Variants in LRRC7 observed in about 807,000 individuals in gnomAD.
LRRC7 encodes leucine rich repeat containing 7.
In LRRC7, 23 loss-of-function variants were observed where a neutral mutation model predicts 175.7. The observed-to-expected ratio is 0.13, with a 90% CI of 0.09 to 0.19. LRRC7 has a LOEUF of 0.19. LRRC7 is among the 10% of genes least tolerant of loss of function. LRRC7 has a pLI of 1.00. For missense variants in LRRC7, 1,354 were observed against 1,904.7 expected (o/e 0.71, Z 5.38); for synonymous variants, 685 against 680.9 (o/e 1.01, Z -0.09).
At chr1:70,118,174 A>C (rs975691238) in intron 26 of LRRC7, among the ~76,000 whole-genome samples, 2 of 152,082 alleles carry the variant, frequency 1.3e-5, no homozygotes, top group Admixed American at 1.3e-4. Flanking sequence ...GAAGCCCTAC[A>C]CGAATATAGT....
At position 69,861,261 on chromosome 1, in the gene LRRC7, A is replaced by T. The variant is rs369100618; in HGVS notation, c.647+22978A>T. 2.4e-4 allele frequency among the ~76,000 whole-genome samples: 36 copies of T among 152,302 alleles called. 1 individual carries two copies. The East Asian group carries it at 3.7e-3, about 16-fold the overall frequency. On this transcript the variant is annotated intron_variant, in intron 7 of 26. Transcript: ENST00000651989. Reference sequence around the variant, plus strand: ...AAATTTTTGCATTCTTATCTGCCACATCATTAATAATGTTCATATTTTTCT... The same window carrying T: ...AAATTTTTGCATTCTTATCTGCCACTTCATTAATAATGTTCATATTTTTCT...
intron 1 of LRRC7, among the ~76,000 whole-genome samples, chr1:69,661,816 AGAAT>A (rs1657515700): frequency 6.6e-6 from 1 of 152,156 alleles, no homozygotes; most frequent in Non-Finnish European, 1.5e-5. Context: ...CATTTTGAAA[AGAAT>A]GACATTTTTT....
At chr1:70,013,204 ATAC>A in intron 13 of LRRC7, 115 bp downstream of exon 13, 1 of 474,632 alleles carries the variant, frequency 2.1e-6, no homozygotes, top group South Asian at 4.5e-5. Flanking sequence ...CGGAATGCAA[ATAC>A]TGATACTTTC....
intron 8 of LRRC7, among the ~76,000 whole-genome samples, chr1:69,965,885 A>G (rs1461498318): frequency 6.6e-6 from 1 of 152,180 alleles, no homozygotes; most frequent in Admixed American, 6.5e-5. Context: ...ACCAAGTACT[A>G]TGAAATTCAT....
Position 70,135,054 on chromosome 1 carries a change from A to G in LRRC7, c.*13167A>G, listed in dbSNP as rs559849672. On this transcript the variant is annotated 3_prime_UTR_variant, in exon 27 of 27. Transcript: ENST00000651989. Reference sequence around the variant, plus strand: ...ATTACATAGAATTTTACTGAAGAGTATAAGAGAAAACGTCTTGAAAGTTTG... The same window carrying G: ...ATTACATAGAATTTTACTGAAGAGTGTAAGAGAAAACGTCTTGAAAGTTTG... Among the ~76,000 whole-genome samples the G allele has an allele frequency of 4.6e-5, 7 of 152,378 alleles. No individual in the cohort carries two copies. The highest frequency in any genetic ancestry group is 4.1e-4 in the South Asian group (2 of 4,828).
chr1:70,053,256 G>A, intron 23 of LRRC7, 111 bp downstream of exon 23: 2 of 1,061,938 alleles, frequency 1.9e-6, no homozygotes, highest in Non-Finnish European at 2.6e-6. Context: ...ATAACTTTAA[G>A]GTAAATATTA....
At chr1:69,751,684 G>A (rs1159716744) in intron 2 of LRRC7, among the ~76,000 whole-genome samples, 1 of 152,070 alleles carries the variant, frequency 6.6e-6, no homozygotes, top group Non-Finnish European at 1.5e-5. Flanking sequence ...AGGGATGATG[G>A]TCTATAGTAA....
In LRRC7 at chr1:70,130,127, G is replaced by T. The variant is rs1010207649; in HGVS notation, c.*8240G>T. The T allele has an allele frequency of 2.0e-5, 3 of 152,040 alleles. No homozygotes were observed. The highest frequency in any genetic ancestry group is 7.2e-5 in the African/African-American group (3 of 41,390). 9.4% of individuals were successfully genotyped at this position (152,040 alleles called of 1,614,324 possible). On this transcript the variant is annotated 3_prime_UTR_variant, in exon 27 of 27. Coordinates refer to ENST00000651989, the MANE Select transcript of LRRC7 (RefSeq NM_001370785.2). ...TATTAATTTTTTCTTATGTTTTTTAGTATCTTTCCCATTCTGCCTGAGATC... is the reference window on the plus strand; with the variant it reads ...TATTAATTTTTTCTTATGTTTTTTATTATCTTTCCCATTCTGCCTGAGATC...
chr1:70,014,847 C>T (rs1413743372), intron 13 of LRRC7, among the ~76,000 whole-genome samples: 1 of 152,006 alleles, frequency 6.6e-6, no homozygotes, highest in Admixed American at 6.6e-5. Flanking sequence ...ATAGAGGTCA[C>T]TGGAAAAGGA....
At chr1:69,915,845 A>T (rs1026434493) in intron 7 of LRRC7, among the ~76,000 whole-genome samples, 3 of 151,016 alleles carry the variant, frequency 2.0e-5, no homozygotes, top group Non-Finnish European at 4.4e-5. Flanking sequence ...ACCTATATTA[A>T]CTATTTTAAT....
chr1:69,840,880 C>T (rs1415626874), intron 7 of LRRC7, among the ~76,000 whole-genome samples: 2 of 152,122 alleles, frequency 1.3e-5, no homozygotes, highest in African/African-American at 4.8e-5. Flanking sequence ...TTTCCTTACA[C>T]AAGAATTATC....
chr1:69,962,236 A>G (rs974459338), intron 8 of LRRC7, among the ~76,000 whole-genome samples: 16 of 152,202 alleles, frequency 1.1e-4, no homozygotes, highest in African/African-American at 3.9e-4. Context: ...AAAAAGCTCA[A>G]CATCACTGAT....
intron 2 of LRRC7, 53 bp downstream of exon 2, chr1:69,678,531 C>A: frequency 2.3e-6 from 3 of 1,283,506 alleles, no homozygotes; most frequent in South Asian, 1.3e-5. Context: ...TGGTGAGTAG[C>A]ATAGTAAAAT....
At chr1:69,633,646 T>C (rs1245043) in intron 1 of LRRC7, among the ~76,000 whole-genome samples, 19,505 of 152,008 alleles carry the variant, frequency 0.13, 1,594 homozygotes, top group South Asian at 0.19. Flanking sequence ...CCAGGCCGAT[T>C]ATGAATTCCT....
At chr1:69,689,407 T>A (rs1337444008) in intron 2 of LRRC7, among the ~76,000 whole-genome samples, 1 of 151,862 alleles carries the variant, frequency 6.6e-6, no homozygotes. Flanking sequence ...TATGTCCTCA[T>A]TTTCCCTCTC....
chr1:70,064,248 T>G (rs996643421), intron 23 of LRRC7, among the ~76,000 whole-genome samples: 1 of 151,960 alleles, frequency 6.6e-6, no homozygotes, highest in Non-Finnish European at 1.5e-5. Flanking sequence ...GATTTTGGCA[T>G]CAAGCTGGCC....
At chr1:69,828,993 A>G (rs961047954) in intron 5 of LRRC7, among the ~76,000 whole-genome samples, 3 of 151,998 alleles carry the variant, frequency 2.0e-5, no homozygotes, top group Non-Finnish European at 4.4e-5. Context: ...AATAGTAAAA[A>G]TTAGCAATTA....
chr1:69,934,073 C>A (rs1166162982), intron 8 of LRRC7, among the ~76,000 whole-genome samples: 1 of 152,126 alleles, frequency 6.6e-6, no homozygotes, highest in Admixed American at 6.5e-5. Context: ...ATGGAACTGG[C>A]TGTTGTTGTA....
At chr1:69,681,498 G>C (rs921047718) in intron 2 of LRRC7, among the ~76,000 whole-genome samples, 1 of 152,066 alleles carries the variant, frequency 6.6e-6, no homozygotes, top group African/African-American at 2.4e-5. Flanking sequence ...AATCAACATA[G>C]ACGTAGATCT....
Sources: gnomAD v4.1 joint callset for allele counts (sites outside exome capture counted in the v4.1 genomes callset) on GRCh38, gnomAD v4.1.1 for gene constraint, MANE v1.5 for transcripts, NCBI Gene and HGNC (gene_info 2026-07-23, HGNC 2026-07-21) for gene names.